CFDP1: variants seen among roughly 807,000 people sequenced by gnomAD.
The protein encoded by CFDP1 is heterochromatin-stabilizing protein CFDP1.
A neutral mutation model predicts 40.1 loss-of-function variants in CFDP1; 31 were observed. The observed-to-expected ratio is 0.77, with a 90% confidence interval of 0.58 to 1.04. The LOEUF (loss-of-function observed/expected upper bound fraction) is 1.04. CFDP1 is among the 50% of genes least tolerant of loss of function. The pLI is 0.00. For synonymous variants in CFDP1, 167 were observed against 120.0 expected, an observed-to-expected ratio of 1.39 and a Z score of -2.56; for missense variants, 423 against 343.4, an observed-to-expected ratio of 1.23 and a Z score of -1.83.
intron 5 of CFDP1, among the ~76,000 whole-genome samples, chr16:75,359,482 A>C (rs2078668015): frequency 6.6e-6 from 1 of 152,318 alleles, no homozygotes; most frequent in Admixed American, 6.5e-5. Context: ...TAGCTAGTCT[A>C]TTCAATGATG....
At chr16:75,412,042 G>C (rs758077607) in intron 3 of CFDP1, 90 bp from the exon 4 acceptor site, 5 of 1,308,400 alleles carry the variant, frequency 3.8e-6, no homozygotes, top group Admixed American at 2.8e-5. Flanking sequence ...TTGAGATAGC[G>C]TCTCACTCTG....
chr16:75,293,853 G>T lies in CFDP1; in HGVS notation c.*99C>A. 1 of 953,866 alleles carries T rather than the reference G, an allele frequency of 1.0e-6. No individual in the cohort carries two copies. The allele number at this position is 953,866 out of a possible 1,614,324, so 59.1% of individuals were successfully genotyped here. A position where few individuals can be genotyped will look rare whatever the true frequency, so the allele number is the denominator to read the frequency against. On this transcript the variant is annotated 3_prime_UTR_variant, in exon 7 of 7. Transcript: ENST00000283882. ...ATGTAGAAAAAAAAAAGACCTTGCTGGGAAACAGATGATGAGAAACACTGT... is the reference window on the plus strand; with the variant it reads ...ATGTAGAAAAAAAAAAGACCTTGCTTGGAAACAGATGATGAGAAACACTGT...
intron 5 of CFDP1, among the ~76,000 whole-genome samples, chr16:75,318,316 C>T (rs1191507158): frequency 2.0e-5 from 3 of 152,030 alleles, no homozygotes; most frequent in African/African-American, 7.2e-5. Context: ...ACTAAGTCAA[C>T]AGGACAAAGC....
intron 4 of CFDP1, among the ~76,000 whole-genome samples, chr16:75,398,840 G>T (rs2079021556): frequency 6.6e-6 from 1 of 151,964 alleles, no homozygotes; most frequent in Admixed American, 6.6e-5. Context: ...AGATCACGAG[G>T]TCAGGAGATT....
At chr16:75,379,587 A>G (rs1302365841) in intron 5 of CFDP1, among the ~76,000 whole-genome samples, 3 of 152,224 alleles carry the variant, frequency 2.0e-5, no homozygotes, top group Non-Finnish European at 2.9e-5. Context: ...ATTAGTGATT[A>G]CCAGAGGTTA....
intron 5 of CFDP1, among the ~76,000 whole-genome samples, chr16:75,341,101 C>T (rs1236131185): frequency 6.6e-6 from 1 of 152,198 alleles, no homozygotes; most frequent in Non-Finnish European, 1.5e-5. Flanking sequence ...TCCCAGAGCA[C>T]TTTCTAATGC....
At position 75,346,720 on chromosome 16, in the gene CFDP1, CAAAAA is replaced by C. The variant is rs10538921; in HGVS notation, c.651-41543_651-41539del. Among the ~76,000 whole-genome samples the C allele has an allele frequency of 5.4e-4, 70 of 129,980 alleles. No homozygotes were observed. In the East Asian group the frequency reaches 0.014, roughly 27 times the overall value. 85.3% of individuals were successfully genotyped at this position (129,980 alleles called of 152,430 possible). On this transcript the variant is annotated intron_variant, in intron 5 of 6. Transcript: ENST00000283882. ...CAAGATAGCTCTAAAATCTTCCACT[CAAAAA>C]AAAAAAAAAAAAGTCAGCACCTACT...
At chr16:75,413,485 G>T (rs931261075) in intron 2 of CFDP1, among the ~76,000 whole-genome samples, 1 of 151,272 alleles carries the variant, frequency 6.6e-6, no homozygotes, top group Admixed American at 6.6e-5. Context: ...CCCAGGAGGC[G>T]GAGGTTGCAT....
Position 75,433,422 on chromosome 16 carries a change from GAGAGA to G in CFDP1, c.-75_-71del. ...CCGCCTCCAACGGCAAAGCTCTAGGGAGAGACCATAGAGCCCCGGCGGCGGCGACG... is the reference window on the plus strand; with the variant it reads ...CCGCCTCCAACGGCAAAGCTCTAGGGCCATAGAGCCCCGGCGGCGGCGACG... On this transcript the variant is annotated 5_prime_UTR_variant, in exon 1 of 7. It introduces an in-frame stop codon into an upstream open reading frame of the 5' UTR. Transcript: ENST00000283882. The G allele has an allele frequency of 6.7e-7, 1 of 1,484,916 alleles. No homozygotes were observed. Among genetic ancestry groups the G allele is most frequent in the Non-Finnish European group, 9.1e-7 (1 of 1,093,128 alleles). 92.0% of individuals were successfully genotyped at this position (1,484,916 alleles called of 1,614,324 possible).
chr16:75,378,752 C>T (rs1407840273), intron 5 of CFDP1, among the ~76,000 whole-genome samples: 1 of 151,662 alleles, frequency 6.6e-6, no homozygotes, highest in Non-Finnish European at 1.5e-5. Flanking sequence ...GACTGGCCGA[C>T]AAAAAAGGAA....
chr16:75,313,082 A>G (rs995719222), intron 5 of CFDP1, among the ~76,000 whole-genome samples: 1 of 152,208 alleles, frequency 6.6e-6, no homozygotes, highest in African/African-American at 2.4e-5. Context: ...TTCCACTGCA[A>G]CCAGCCAACT....
At chr16:75,419,565 A>G (rs1361811960) in intron 1 of CFDP1, among the ~76,000 whole-genome samples, 1 of 152,208 alleles carries the variant, frequency 6.6e-6, no homozygotes, top group Non-Finnish European at 1.5e-5. Flanking sequence ...TCCATCCTGA[A>G]TAGCGACTGG....
intron 5 of CFDP1, among the ~76,000 whole-genome samples, chr16:75,339,190 A>G (rs2078509951): frequency 6.6e-6 from 1 of 151,110 alleles, no homozygotes; most frequent in African/African-American, 2.4e-5. Flanking sequence ...CAGCCTTTCT[A>G]TCTCTTTGTC....
At chr16:75,420,483 T>C (rs948972196) in intron 1 of CFDP1, among the ~76,000 whole-genome samples, 7 of 152,208 alleles carry the variant, frequency 4.6e-5, no homozygotes, top group Non-Finnish European at 4.4e-5. Context: ...TGCTGCAGGA[T>C]GTATGGCTTT....
At chr16:75,419,945 T>C (rs2079258149) in intron 1 of CFDP1, among the ~76,000 whole-genome samples, 1 of 151,974 alleles carries the variant, frequency 6.6e-6, no homozygotes, top group Non-Finnish European at 1.5e-5. Flanking sequence ...TTTACTTTTC[T>C]GTATGGATTT....
intron 5 of CFDP1, among the ~76,000 whole-genome samples, chr16:75,350,037 A>T (rs572475777): frequency 6.2e-4 from 94 of 152,166 alleles, no homozygotes; most frequent in African/African-American, 2.1e-3. Context: ...GTCCTTTATC[A>T]GATTGAGGAA....
chr16:75,304,750 G>T (rs2078246059), intron 6 of CFDP1, among the ~76,000 whole-genome samples: 1 of 152,204 alleles, frequency 6.6e-6, no homozygotes, highest in Non-Finnish European at 1.5e-5. Context: ...CAGTTCACTG[G>T]AGCTGTAATT....
intron 5 of CFDP1, among the ~76,000 whole-genome samples, chr16:75,358,168 GATATT>G (rs1247368615): frequency 6.6e-6 from 1 of 152,096 alleles, no homozygotes; most frequent in Admixed American, 6.6e-5. Flanking sequence ...AAAAATTTGA[GATATT>G]ATGAGAATTA....
intron 3 of CFDP1, 51 bp from the exon 4 acceptor site, chr16:75,412,003 G>T: frequency 6.5e-7 from 1 of 1,537,902 alleles, no homozygotes; most frequent in Non-Finnish European, 8.7e-7. Context: ...GAACCATATT[G>T]TTTACAGATA....
Sources: gnomAD v4.1 joint callset for allele counts (sites outside exome capture counted in the v4.1 genomes callset) on GRCh38, gnomAD v4.1.1 for gene constraint, MANE v1.5 for transcripts, NCBI Gene and HGNC (gene_info 2026-07-23, HGNC 2026-07-21) for gene names.